The following ADCY1 variants were observed in gnomAD, a reference collection of about 807,000 sequenced individuals.
ADCY1 encodes the protein adenylate cyclase 1, also known as adenylate cyclase type 1.
In ADCY1, 28 loss-of-function variants were observed where a neutral mutation model predicts 105.4. The ratio of observed to expected loss-of-function variants is 0.27; its 90% CI spans 0.20 to 0.36. The LOEUF (loss-of-function observed/expected upper bound fraction) is 0.36, where lower values mean the gene tolerates loss of function less well. Among genes scored for constraint, ADCY1 ranks in the 10% least tolerant of loss-of-function variants. ADCY1 has a pLI of 1.00. For missense variants in ADCY1, 977 were observed against 1,434.2 expected (o/e 0.68, Z 5.15); for synonymous variants, 655 against 623.8 (o/e 1.05, Z -0.75).
chr7:45,664,470 T>C, intron 8 of ADCY1: 1 of 1,513,196 alleles, frequency 6.6e-7, no homozygotes. Flanking sequence ...GCCAGCTCTG[T>C]TCTTCTCTCA....
chr7:45,688,626 G>T (rs1458073096), intron 14 of ADCY1, among the ~76,000 whole-genome samples: 1 of 152,134 alleles, frequency 6.6e-6, no homozygotes, highest in Admixed American at 6.5e-5. Context: ...GTAAGCAAAA[G>T]AAAGAACATA....
intron 1 of ADCY1, among the ~76,000 whole-genome samples, chr7:45,582,019 C>T (rs573546503): frequency 1.5e-4 from 23 of 151,830 alleles, no homozygotes; most frequent in African/African-American, 2.7e-4. Context: ...CATTCACATG[C>T]GCCCTCACAC....
intron 2 of ADCY1, among the ~76,000 whole-genome samples, chr7:45,608,612 G>A (rs959678587): frequency 6.6e-6 from 1 of 152,246 alleles, no homozygotes; most frequent in Non-Finnish European, 1.5e-5. Context: ...GGGAAGTCAG[G>A]ATGTGTGCCA....
intron 1 of ADCY1, among the ~76,000 whole-genome samples, chr7:45,585,870 G>A (rs565502218): frequency 1.3e-4 from 20 of 152,270 alleles, no homozygotes; most frequent in African/African-American, 4.6e-4. Context: ...AGGTGCTGTG[G>A]GTGGGTGGGG....
intron 9 of ADCY1, 46 bp downstream of exon 9, chr7:45,678,109 C>T (rs367622540): frequency 1.5e-5 from 25 of 1,613,478 alleles, no homozygotes; most frequent in East Asian, 2.2e-5. Flanking sequence ...CTTGCGAAGG[C>T]GCTGCCTGGC....
At chr7:45,679,380 C>G (rs1213449117) in intron 10 of ADCY1, among the ~76,000 whole-genome samples, 1 of 152,220 alleles carries the variant, frequency 6.6e-6, no homozygotes, top group Admixed American at 6.5e-5. Context: ...CTGGGAAACT[C>G]TTGTCTTTCC....
At chr7:45,580,102 C>T (rs1409736807) in intron 1 of ADCY1, among the ~76,000 whole-genome samples, 2 of 152,162 alleles carry the variant, frequency 1.3e-5, no homozygotes, top group Non-Finnish European at 2.9e-5. Flanking sequence ...GTCAGGGCAG[C>T]TGGGATGAGG....
At chr7:45,709,305 G>A (rs369749218) in intron 18 of ADCY1, among the ~76,000 whole-genome samples, 8 of 152,302 alleles carry the variant, frequency 5.3e-5, no homozygotes, top group East Asian at 3.9e-4. Context: ...ATGGTGGGTC[G>A]GGGAAATTCT....
chr7:45,678,483 C>T lies in ADCY1; in HGVS notation c.1898+220C>T, dbSNP rs574408287. Reference sequence around the variant, plus strand: ...TGTAACAAGCCTTGATGGTATATGGCATGGGACTGGTCACTTTCCATTTTA... The same window carrying T: ...TGTAACAAGCCTTGATGGTATATGGTATGGGACTGGTCACTTTCCATTTTA... On this transcript the variant is annotated intron_variant, in intron 10 of 19. Transcript: ENST00000297323. Among the ~76,000 whole-genome samples the T allele has an allele frequency of 4.1e-4, 62 of 152,240 alleles. 1 individual carries two copies. Among genetic ancestry groups the T allele is most frequent in the Admixed American group, 2.2e-3 (33 of 15,306 alleles).
In ADCY1 at chr7:45,660,202, C is replaced by T. The variant is rs201163053; in HGVS notation, c.1449+19C>T. The T allele has an allele frequency of 3.6e-5, 58 of 1,613,788 alleles. No individual in the cohort carries two copies. Among genetic ancestry groups the T allele is most frequent in the Non-Finnish European group, 4.6e-5 (54 of 1,179,790 alleles). ...CCGAAAGGTAGGCACCAGAGCCCCC[C>T]TCATTTGGTTGATCCTTAGCTTCTT... is the stretch of plus-strand genomic sequence containing the variant. On this transcript the variant is annotated intron_variant, in intron 7 of 19. Transcript: ENST00000297323.
At chr7:45,694,132 AAAAAAC>A (rs762781073) in intron 14 of ADCY1, among the ~76,000 whole-genome samples, 1,655 of 151,058 alleles carry the variant, frequency 0.011, 10 homozygotes, top group Middle Eastern at 0.024. Flanking sequence ...AAAAAAAAAA[AAAAAAC>A]ACTGTCAACC....
intron 8 of ADCY1, among the ~76,000 whole-genome samples, chr7:45,671,491 C>G (rs1045613290): frequency 2.6e-5 from 4 of 152,160 alleles, no homozygotes; most frequent in Admixed American, 6.5e-5. Flanking sequence ...TTTTCATAAA[C>G]TGCCGAACTG....
At position 45,574,912 on chromosome 7, in the gene ADCY1, C is replaced by T. The variant is rs1238621210; in HGVS notation, c.369C>T (p.Gly123=). The change falls in exon 1 of 20, where the codon GGC becomes GGT. Residue 123 remains glycine (G), a synonymous_variant. Coordinates refer to ENST00000297323, the MANE Select transcript of ADCY1 (RefSeq NM_021116.4). The surrounding 1 kb of genome is among the most constrained non-coding windows in gnomAD (Gnocchi z 7.0). ...AGGTGCCCCAGCTGCAGCAGGTCGG[C>T]CAGCTGGCGCTGCTCTTCAGCCTCA... ...SLQVPQLQQV[G]QLALLFSLTF... The T allele has an allele frequency of 1.2e-6, 2 of 1,611,958 alleles. No homozygotes were observed. The highest frequency in any genetic ancestry group is 2.2e-5 in the South Asian group (2 of 91,074).
intron 4 of ADCY1, among the ~76,000 whole-genome samples, chr7:45,626,952 A>G (rs1794074499): frequency 6.6e-6 from 1 of 152,106 alleles, no homozygotes; most frequent in South Asian, 2.1e-4. Context: ...AGAGGGCCAG[A>G]AGGAGATGCT....
chr7:45,704,599 C>T lies in ADCY1; in HGVS notation c.2800C>T (p.Pro934Ser). The change falls in exon 17 of 20, where the codon CCC becomes TCC. Residue 934 changes from proline (P) to serine (S), a missense_variant. Pro to Ser is a moderately conservative substitution (Grantham distance 74). This residue lies in a region of ADCY1 where 152 missense variants were observed against 293.7 expected (regional missense o/e 0.52). Transcript: ENST00000297323. ...STYMAAVGLA[P>S]TSGTKAKKSI... ...CTACATGGCCGCTGTGGGGCTAGCG[C>T]CCACCTCGGGGACCAAGGTGAGTGC... is the stretch of plus-strand genomic sequence containing the variant. The T allele has an allele frequency of 6.2e-7, 1 of 1,614,110 alleles. No individual in the cohort carries two copies. The highest frequency in any genetic ancestry group is 8.5e-7 in the Non-Finnish European group (1 of 1,179,980).
intron 2 of ADCY1, among the ~76,000 whole-genome samples, chr7:45,606,721 GT>G (rs1035806682): frequency 6.6e-6 from 1 of 152,130 alleles, no homozygotes; most frequent in South Asian, 2.1e-4. Context: ...TGAAAATCTA[GT>G]TTTTTTTAAG....
rs1785040610 is a variant in ADCY1, at chr7:45,703,488, A to G, written c.2567A>G (p.Asn856Ser). The G allele has an allele frequency of 6.2e-7, 1 of 1,613,974 alleles. No homozygotes were observed. Among genetic ancestry groups the G allele is most frequent in the African/African-American group, 1.3e-5 (1 of 74,900 alleles). ...CACTTCCTCATGTCCAACCCTCGGA[A>G]CATGGTGAGCACCCAGCCTGCTCCT... Reference protein sequence around the residue: ...AQHFLMSNPRNMDLYYQSYSQ... With the variant: ...AQHFLMSNPRSMDLYYQSYSQ... Residue 856 changes from asparagine to serine, a missense_variant, in exon 15 of 20, where the codon AAC (asparagine) becomes AGC (serine). Around this residue, in one of 7 missense-constraint regions of ADCY1, gnomAD observed 152 missense variants for 293.7 expected, o/e 0.52. Transcript: ENST00000297323. This position sits in a 1 kb window ranked among gnomAD's most constrained non-coding sequence, Gnocchi z 5.9.
chr7:45,590,109 G>A (rs1003276777), intron 1 of ADCY1, among the ~76,000 whole-genome samples: 2 of 152,116 alleles, frequency 1.3e-5, no homozygotes, highest in East Asian at 1.9e-4. Flanking sequence ...GGGACCGGCC[G>A]CCAATCCCCC....
intron 19 of ADCY1, among the ~76,000 whole-genome samples, chr7:45,711,644 T>TATATATATAC (rs1189707139): frequency 1.1e-3 from 55 of 51,434 alleles, no homozygotes; most frequent in African/African-American, 2.8e-3. Context: ...TATATATATA[T>TATATATATAC]ACACACACAC....
Sources: gnomAD v4.1 joint callset for allele counts (sites outside exome capture counted in the v4.1 genomes callset) on GRCh38, gnomAD v4.1.1 for gene constraint, gnomAD v4.1.1 regional missense constraint, Gnocchi (gnomAD v3.1) non-coding constraint, MANE v1.5 for transcripts, NCBI Gene and HGNC (gene_info 2026-07-23, HGNC 2026-07-21) for gene names.